TNKS: variants seen among roughly 807,000 people sequenced by gnomAD.
TNKS encodes poly [ADP-ribose] polymerase tankyrase-1.
In TNKS, 72 loss-of-function variants were observed where a neutral mutation model predicts 135.8. The ratio of observed to expected loss-of-function variants is 0.53; its 90% CI spans 0.44 to 0.64. The LOEUF (loss-of-function observed/expected upper bound fraction) is 0.64. TNKS is among the 30% of genes least tolerant of loss of function. The pLI is 0.00. For synonymous variants in TNKS, 849 were observed against 649.3 expected, an observed-to-expected ratio of 1.31 and a Z score of -4.68; for missense variants, 1,769 against 1,674.0, an observed-to-expected ratio of 1.06 and a Z score of -0.99.
At chr8:9,749,426 G>T (rs1447112298) in intron 18 of TNKS, among the ~76,000 whole-genome samples, 1 of 151,792 alleles carries the variant, frequency 6.6e-6, no homozygotes, top group African/African-American at 2.4e-5. Context: ...TGCTCCCAGG[G>T]AGTGGTTCAC....
chr8:9,624,805 C>G (rs1799996325), intron 3 of TNKS, among the ~76,000 whole-genome samples: 4 of 151,582 alleles, frequency 2.6e-5, no homozygotes, highest in African/African-American at 9.7e-5. Context: ...GTTCAAATCC[C>G]TTATAAAAAG....
Position 9,672,654 on chromosome 8 carries a change from T to TAA in TNKS, c.995-7276_995-7275dup, listed in dbSNP as rs746763150. On this transcript the variant is annotated intron_variant, in intron 3 of 26. Coordinates refer to ENST00000310430, the MANE Select transcript of TNKS (RefSeq NM_003747.3). ...TTTTATGCAGCAGACACTGTGATGG[T>TAA]AAAAAAAAAAAAAAAAAAAAAACAC... is the stretch of plus-strand genomic sequence containing the variant. Among the ~76,000 whole-genome samples the TAA allele has an allele frequency of 3.2e-3, 139 of 42,794 alleles. 2 individuals carry two copies. The highest frequency in any genetic ancestry group is 7.4e-3 in the South Asian group (9 of 1,210). The allele number at this position is 42,794 out of a possible 152,430, so 28.1% of individuals were successfully genotyped here.
rs76014635 is a variant in TNKS, at chr8:9,586,896, A to C, written c.898+6513A>C. 5.9e-5 allele frequency among the ~76,000 whole-genome samples: 9 copies of C among 152,214 alleles called. No homozygotes were observed. In the East Asian group the frequency reaches 1.7e-3, roughly 29 times the overall value. On this transcript the variant is annotated intron_variant, in intron 2 of 26. Coordinates refer to ENST00000310430, the MANE Select transcript of TNKS (RefSeq NM_003747.3). ...TTGAGGGTCACCGTGGTCTGCTGCG[A>C]AGAACAATGAAACAGGAGTCGGCGT...
At position 9,569,098 on chromosome 8, in the gene TNKS, T is replaced by A. The variant is rs146279728; in HGVS notation, c.674-11061T>A. Among the ~76,000 whole-genome samples the A allele has an allele frequency of 8.5e-5, 13 of 152,368 alleles. No individual in the cohort carries two copies. In the East Asian group the frequency reaches 2.3e-3, roughly 27 times the overall value. Reference sequence around the variant, plus strand: ...AAAGTATTTTAGAATTGGGAAACTGTTAAGCTTATAGCAATAGTTGCAAGT... The same window carrying A: ...AAAGTATTTTAGAATTGGGAAACTGATAAGCTTATAGCAATAGTTGCAAGT... On this transcript the variant is annotated intron_variant, in intron 1 of 26. Coordinates refer to ENST00000310430, the MANE Select transcript of TNKS (RefSeq NM_003747.3).
At chr8:9,598,086 G>A (rs1480617787) in intron 2 of TNKS, among the ~76,000 whole-genome samples, 1 of 152,158 alleles carries the variant, frequency 6.6e-6, no homozygotes, top group South Asian at 2.1e-4. Flanking sequence ...TCAGTTGTCA[G>A]AGGCATAGGA....
chr8:9,748,237 T>C (rs1345261077), intron 18 of TNKS, 25 bp downstream of exon 18: 7 of 1,441,096 alleles, frequency 4.9e-6, no homozygotes, highest in Non-Finnish European at 6.4e-6. Context: ...CAGATACTGA[T>C]TATTGTTCCT....
intron 3 of TNKS, among the ~76,000 whole-genome samples, chr8:9,632,789 G>A (rs1446451021): frequency 6.6e-6 from 1 of 152,176 alleles, no homozygotes; most frequent in Non-Finnish European, 1.5e-5. Flanking sequence ...GAGTGCAGTG[G>A]CGTGATCTCA....
chr8:9,745,699 C>T (rs1424279955), intron 17 of TNKS, among the ~76,000 whole-genome samples: 1 of 152,142 alleles, frequency 6.6e-6, no homozygotes, highest in East Asian at 1.9e-4. Context: ...ACCACCACAC[C>T]TGGCCTATTT....
chr8:9,592,797 T>C (rs1284595745), intron 2 of TNKS, among the ~76,000 whole-genome samples: 7 of 152,242 alleles, frequency 4.6e-5, no homozygotes, highest in Admixed American at 4.6e-4. Context: ...CTGAGTAATT[T>C]TCTACTTCTT....
At position 9,679,992 on chromosome 8, in the gene TNKS, G is replaced by C. The variant is rs1268254084; in HGVS notation, c.1031+5G>C. 1 of 1,608,924 alleles carries C rather than the reference G, an allele frequency of 6.2e-7. No homozygotes were observed. The highest frequency in any genetic ancestry group is 8.5e-7 in the Non-Finnish European group (1 of 1,175,410). Reference sequence around the variant, plus strand: ...CGAACTCCTAGAAGCTGCTAGGTAAGTGATTCCATTCATTTTAAGTGTATA... The same window carrying C: ...CGAACTCCTAGAAGCTGCTAGGTAACTGATTCCATTCATTTTAAGTGTATA... On this transcript the variant is annotated splice_donor_5th_base_variant and intron_variant, in intron 4 of 26. Coordinates refer to ENST00000310430, the MANE Select transcript of TNKS (RefSeq NM_003747.3).
At chr8:9,618,250 T>C (rs1268966219) in intron 3 of TNKS, among the ~76,000 whole-genome samples, 1 of 152,144 alleles carries the variant, frequency 6.6e-6, no homozygotes, top group Non-Finnish European at 1.5e-5. Context: ...CAGTCTCTTT[T>C]TATAGAACAT....
chr8:9,586,722 CGTGT>C (rs5889287), intron 2 of TNKS, among the ~76,000 whole-genome samples: 7,801 of 143,188 alleles, frequency 0.054, 289 homozygotes, highest in African/African-American at 0.1. Flanking sequence ...ATATCTAAAA[CGTGT>C]GTGTGTGTGT....
chr8:9,731,466 A>G (rs1410635769), intron 14 of TNKS, among the ~76,000 whole-genome samples: 3 of 138,702 alleles, frequency 2.2e-5, no homozygotes, highest in Non-Finnish European at 3.0e-5. Context: ...ATCTCAAAAA[A>G]AAAAAAAAAA....
intron 17 of TNKS, among the ~76,000 whole-genome samples, chr8:9,740,686 A>C (rs1337555426): frequency 6.6e-6 from 1 of 152,186 alleles, no homozygotes; most frequent in Admixed American, 6.5e-5. Flanking sequence ...GTAGTCTTTT[A>C]TTAAAATTCG....
intron 3 of TNKS, among the ~76,000 whole-genome samples, chr8:9,654,891 C>T (rs573305598): frequency 4.1e-4 from 62 of 149,658 alleles, no homozygotes; most frequent in African/African-American, 1.5e-3. Flanking sequence ...GAGTGCCGGA[C>T]AGTGGGTGCA....
intron 3 of TNKS, among the ~76,000 whole-genome samples, chr8:9,632,012 T>G (rs1800311272): frequency 6.6e-6 from 1 of 152,178 alleles, no homozygotes; most frequent in Admixed American, 6.5e-5. Context: ...AGCAGAGTAT[T>G]AATGGCAGTT....
chr8:9,623,675 G>T (rs1481002484), intron 3 of TNKS, among the ~76,000 whole-genome samples: 1 of 152,124 alleles, frequency 6.6e-6, no homozygotes, highest in Admixed American at 6.5e-5. Context: ...AATAAAATGA[G>T]GTATGTTGTT....
intron 3 of TNKS, among the ~76,000 whole-genome samples, chr8:9,644,116 G>C (rs1800822126): frequency 6.6e-6 from 1 of 152,146 alleles, no homozygotes; most frequent in Non-Finnish European, 1.5e-5. Context: ...GGCCTGAAGA[G>C]AGGGGGGAAT....
At chr8:9,562,084 T>C (rs1295381065) in intron 1 of TNKS, among the ~76,000 whole-genome samples, 3 of 152,160 alleles carry the variant, frequency 2.0e-5, no homozygotes, top group Non-Finnish European at 4.4e-5. Context: ...CCCAAAGTGC[T>C]GGGATTACAG....
Sources: allele counts gnomAD v4.1 joint callset (sites outside exome capture counted in the v4.1 genomes callset), GRCh38; gene constraint gnomAD v4.1.1; transcripts MANE v1.5; gene names NCBI Gene and HGNC (gene_info 2026-07-23, HGNC 2026-07-21).